Variants in LRPAP1 observed in about 807,000 individuals in gnomAD.
The protein encoded by LRPAP1 is alpha-2-macroglobulin receptor-associated protein.
In LRPAP1, 41 loss-of-function variants were observed where a neutral mutation model predicts 39.9. That is an observed-to-expected ratio of 1.03 (90% CI 0.80 to 1.33). The LOEUF is 1.33. Among genes scored for constraint, LRPAP1 ranks in the 40% most tolerant of loss-of-function variants. LRPAP1 has a pLI of 0.00. For missense variants in LRPAP1, 565 were observed against 482.3 expected, an observed-to-expected ratio of 1.17 and a Z score of -1.61; for synonymous variants, 263 against 212.7, an observed-to-expected ratio of 1.24 and a Z score of -2.06.
Position 3,525,024 on chromosome 4 carries a change from C to T in LRPAP1, c.232G>A (p.Glu78Lys), listed in dbSNP as rs770127302. 9.4e-5 allele frequency: 151 copies of T among 1,613,890 alleles called. No individual in the cohort carries two copies. The highest frequency in any genetic ancestry group is 1.6e-4 in the Middle Eastern group (1 of 6,084). Residue 78 changes from glutamate (E) to lysine (K), a missense_variant, in exon 2 of 8, where the codon GAG becomes AAG. Physicochemically the swap from Glu to Lys is moderately conservative, Grantham distance 56. Coordinates refer to ENST00000650182, the MANE Select transcript of LRPAP1 (RefSeq NM_002337.4). Reference sequence around the variant, plus strand: ...TGTATCTTCAGATCAGCGTGGAGCTCGGCCAGCCTCACGGGAGGAAGATGC... The same window carrying T: ...TGTATCTTCAGATCAGCGTGGAGCTTGGCCAGCCTCACGGGAGGAAGATGC... ...RLHLPPVRLA[E>K]LHADLKIQER... is the part of the protein sequence containing the mutation.
chr4:3,514,752 C>G lies in LRPAP1; in HGVS notation c.1011G>C (p.Thr337=). 6.3e-7 allele frequency: 1 copy of G among 1,598,692 alleles called. No homozygotes were observed. Among genetic ancestry groups the G allele is most frequent in the Non-Finnish European group, 8.5e-7 (1 of 1,172,162 alleles). The stretch of plus-strand genomic sequence containing the variant: ...CCCCGGTCCTGGAACCCGTGCGCAC[C>G]GTGTAGCCCAGCTCCTTGGTCCGCC... ...LEGRTKELGY[T]VKKHLQDLSG... The change falls in exon 7 of 8, where the codon ACG becomes ACC. Residue 337 remains threonine, a splice_region_variant and synonymous_variant. Coordinates refer to ENST00000650182, the MANE Select transcript of LRPAP1 (RefSeq NM_002337.4).
Position 3,518,854 on chromosome 4 carries a change from G to T in LRPAP1, c.592+17C>A, listed in dbSNP as rs1729815804. 5 of 1,523,542 alleles carry T rather than the reference G, an allele frequency of 3.3e-6. No individual in the cohort carries two copies. In the Admixed American group the frequency reaches 7.9e-5, roughly 24 times the overall value. 94.4% of individuals were successfully genotyped at this position (1,523,542 alleles called of 1,614,324 possible). A position where few individuals can be genotyped will look rare whatever the true frequency, so the allele number is the denominator to read the frequency against. On this transcript the variant is annotated intron_variant, in intron 4 of 7. Transcript: ENST00000650182. ...GGGGTGGGGCAGAGGGCAGGAGGGGGTGGGGGCGGGGGGCACCTTCGGTCC... is the reference window on the plus strand; with the variant it reads ...GGGGTGGGGCAGAGGGCAGGAGGGGTTGGGGGCGGGGGGCACCTTCGGTCC...
At chr4:3,522,462 C>T (rs1335838326) in intron 2 of LRPAP1, among the ~76,000 whole-genome samples, 1 of 150,258 alleles carries the variant, frequency 6.7e-6, no homozygotes, top group Non-Finnish European at 1.5e-5. Flanking sequence ...CTCAGGAGCA[C>T]CGAGCCCTTA....
rs574188827 is a variant in LRPAP1, at chr4:3,510,205, G to C, written c.*2769C>G. 6.6e-6 allele frequency: 1 copy of C among 152,148 alleles called. No individual in the cohort carries two copies. Among genetic ancestry groups the C allele is most frequent in the Non-Finnish European group, 1.5e-5 (1 of 68,038 alleles). The allele number at this position is 152,148 out of a possible 1,614,324, so 9.4% of individuals were successfully genotyped here. On this transcript the variant is annotated 3_prime_UTR_variant, in exon 8 of 8. Transcript: ENST00000650182. Reference sequence around the variant, plus strand: ...CCAGTAGTTTGGGAGGCTGAGACAGGAGCATCACTTGAGCCCAGATCAAGA... The same window carrying C: ...CCAGTAGTTTGGGAGGCTGAGACAGCAGCATCACTTGAGCCCAGATCAAGA...
intron 2 of LRPAP1, among the ~76,000 whole-genome samples, chr4:3,521,048 C>T (rs932639700): frequency 6.6e-6 from 1 of 152,234 alleles, no homozygotes; most frequent in African/African-American, 2.4e-5. Flanking sequence ...TAGCTCTCCC[C>T]AGGCCCCAAT....
chr4:3,515,316 T>A (rs765706443), intron 6 of LRPAP1, among the ~76,000 whole-genome samples: 30 of 152,274 alleles, frequency 2.0e-4, no homozygotes, highest in African/African-American at 6.5e-4. Context: ...TCCCTGCTCC[T>A]GTAGGTGCCC....
chr4:3,529,020 A>T lies in LRPAP1; in HGVS notation c.204+3189T>A, dbSNP rs536499620. Among the ~76,000 whole-genome samples the T allele has an allele frequency of 2.6e-5, 4 of 152,274 alleles. No homozygotes were observed. The South Asian group carries it at 6.2e-4, about 24-fold the overall frequency. ...TCTCATTGCAGTCACCATTCACGTC[A>T]GAACTAAGGACTGTCTGCGTGCGGT... On this transcript the variant is annotated intron_variant, in intron 1 of 7. Transcript: ENST00000650182.
rs1362162568 is a variant in LRPAP1, at chr4:3,506,749, A to C, written c.*6225T>G. ...CCCAAAGTCTCAATTTGATGAGAAA[A>C]TAGAAAGACCACTAGAACGGAAAAA... On this transcript the variant is annotated 3_prime_UTR_variant, in exon 8 of 8. Transcript: ENST00000650182. The C allele has an allele frequency of 6.6e-6, 1 of 152,256 alleles. No individual in the cohort carries two copies. The highest frequency in any genetic ancestry group is 1.5e-5 in the Non-Finnish European group (1 of 68,044). The allele number at this position is 152,256 out of a possible 1,614,324, so 9.4% of individuals were successfully genotyped here.
chr4:3,521,156 G>T (rs750592665), intron 2 of LRPAP1, among the ~76,000 whole-genome samples: 2 of 152,196 alleles, frequency 1.3e-5, no homozygotes, highest in Non-Finnish European at 2.9e-5. Flanking sequence ...CCTCCTTAGC[G>T]GGCGGTGGGC....
chr4:3,532,098 G>C, intron 1 of LRPAP1, 111 bp downstream of exon 1: 2 of 1,235,176 alleles, frequency 1.6e-6, no homozygotes, highest in Non-Finnish European at 2.2e-6. Context: ...GTAGGGCACA[G>C]GTGCCCCGGC....
intron 2 of LRPAP1, 85 bp from the exon 3 acceptor site, chr4:3,520,278 G>T: frequency 6.8e-7 from 1 of 1,464,340 alleles, no homozygotes; most frequent in Non-Finnish European, 9.4e-7. Flanking sequence ...CACGGTGGGT[G>T]AGACAGGTTT....
chr4:3,531,960 A>AC (rs1436361036), intron 1 of LRPAP1: 1 of 560,438 alleles, frequency 1.8e-6, no homozygotes, highest in Non-Finnish European at 3.1e-6. Flanking sequence ...GGCGACACTG[A>AC]CCCTCGGGGT....
intron 7 of LRPAP1, 122 bp from the exon 8 acceptor site, chr4:3,513,158 C>A: frequency 1.4e-6 from 1 of 691,036 alleles, no homozygotes; most frequent in Non-Finnish European, 2.5e-6. Flanking sequence ...GCACATCTGA[C>A]TTTCCAATTC....
intron 2 of LRPAP1, among the ~76,000 whole-genome samples, chr4:3,521,117 G>A (rs1036614786): frequency 2.0e-5 from 3 of 152,212 alleles, no homozygotes; most frequent in African/African-American, 7.2e-5. Flanking sequence ...TAGGTCCCCT[G>A]GAATCCGGGG....
chr4:3,514,618 G>T, intron 7 of LRPAP1, 134 bp downstream of exon 7: 1 of 1,185,088 alleles, frequency 8.4e-7, no homozygotes, highest in East Asian at 2.5e-5. Flanking sequence ...GTGGCCCTGG[G>T]GTTCAACTCG....
chr4:3,519,592 G>A (rs1480696270), intron 3 of LRPAP1, among the ~76,000 whole-genome samples: 2 of 152,202 alleles, frequency 1.3e-5, no homozygotes, highest in Non-Finnish European at 2.9e-5. Context: ...TGGGGGAGCT[G>A]CGGCAGGTAA....
At position 3,510,618 on chromosome 4, in the gene LRPAP1, C is replaced by T. The variant is rs1234368504; in HGVS notation, c.*2356G>A. 1 of 152,294 alleles carries T rather than the reference C, an allele frequency of 6.6e-6. No individual in the cohort carries two copies. The highest frequency in any genetic ancestry group is 1.5e-5 in the Non-Finnish European group (1 of 68,054). 9.4% of individuals were successfully genotyped at this position (152,294 alleles called of 1,614,324 possible). A position where few individuals can be genotyped will look rare whatever the true frequency, so the allele number is the denominator to read the frequency against. On this transcript the variant is annotated 3_prime_UTR_variant, in exon 8 of 8. Coordinates refer to ENST00000650182, the MANE Select transcript of LRPAP1 (RefSeq NM_002337.4). The stretch of plus-strand genomic sequence containing the variant: ...CAACCCACACTGGAAACGTACACTC[C>T]TGAGTAGGGACTGGATACACACGCG...
At chr4:3,528,990 C>T (rs1241810028) in intron 1 of LRPAP1, among the ~76,000 whole-genome samples, 2 of 152,162 alleles carry the variant, frequency 1.3e-5, no homozygotes, top group Non-Finnish European at 2.9e-5. Flanking sequence ...AGATGCTTCA[C>T]ACACTCTCAT....
intron 1 of LRPAP1, among the ~76,000 whole-genome samples, chr4:3,530,712 G>A (rs914763672): frequency 2.0e-5 from 3 of 152,228 alleles, no homozygotes; most frequent in African/African-American, 7.2e-5. Context: ...CAGCCTGAGG[G>A]CAGGTGTATT....
Sources: gnomAD v4.1 joint callset for allele counts (sites outside exome capture counted in the v4.1 genomes callset) on GRCh38, gnomAD v4.1.1 for gene constraint, MANE v1.5 for transcripts, NCBI Gene and HGNC (gene_info 2026-07-23, HGNC 2026-07-21) for gene names.